Variants in SEC31B observed in about 807,000 individuals in gnomAD.
SEC31B encodes protein transport protein Sec31B.
Under a neutral mutation model 135.0 loss-of-function variants are expected in SEC31B, and 113 were observed. The observed-to-expected ratio is 0.84, with a 90% CI of 0.72 to 0.98. The LOEUF is 0.98. SEC31B is among the 50% of genes least tolerant of loss of function. The pLI, the probability that SEC31B is intolerant of heterozygous loss-of-function variation, is 0.00. For missense variants in SEC31B, 1,296 were observed against 1,421.1 expected (o/e 0.91, Z 1.42); for synonymous variants, 508 against 549.4 (o/e 0.92, Z 1.05).
At chr10:100,494,709 A>G (rs1223928085) in intron 19 of SEC31B, 2 of 152,474 alleles carry the variant, frequency 1.3e-5, no homozygotes, top group East Asian at 3.9e-4. Context: ...TTGTTCTGAA[A>G]CACTCCCTGG....
At chr10:100,508,943 C>CA in intron 5 of SEC31B, 64 bp downstream of exon 5, 1 of 1,355,188 alleles carries the variant, frequency 7.4e-7, no homozygotes, top group Non-Finnish European at 1.1e-6. Flanking sequence ...CTCCAGAACT[C>CA]AAGACTTTTA....
In SEC31B at chr10:100,494,005, A is replaced by AGAAAGGGAGGGAG. The variant is rs796390401; in HGVS notation, c.2472+1367_2472+1379dup. On this transcript the variant is annotated intron_variant, in intron 19 of 25. Coordinates refer to ENST00000370345, the MANE Select transcript of SEC31B (RefSeq NM_015490.4). ...GGGAAAAGGGGAGACAAGGGAGGGA[A>AGAAAGGGAGGGAG]GAAAGGGAGGGAGGAAAGGGAGGGA... Among the ~76,000 whole-genome samples, 401 of 150,148 alleles carry AGAAAGGGAGGGAG rather than the reference A, an allele frequency of 2.7e-3. 8 individuals carry two copies. The highest frequency in any genetic ancestry group is 9.5e-3 in the African/African-American group (382 of 40,122).
At chr10:100,507,404 G>A (rs1293663963) in intron 7 of SEC31B, 21 bp downstream of exon 7, 7 of 1,614,018 alleles carry the variant, frequency 4.3e-6, no homozygotes, top group Non-Finnish European at 5.9e-6. Context: ...CCAAGGATAT[G>A]GATGACGTCT....
Position 100,498,794 on chromosome 10 carries a change from T to C in SEC31B, c.1595A>G (p.His532Arg). The change falls in exon 14 of 26, where the codon CAC becomes CGC. Residue 532 changes from histidine (H) to arginine (R), a missense_variant. By Grantham distance (29) the His-to-Arg change is conservative (BLOSUM62 0). Transcript: ENST00000370345. ...QQAFCSQASK[H>R]TTKEASASSA... Reference sequence around the variant, plus strand: ...GGAAGCAGAGGCTTCCTTTGTGGTGTGTTTGGAGGCCTGTATGAGGAAGGA... The same window carrying C: ...GGAAGCAGAGGCTTCCTTTGTGGTGCGTTTGGAGGCCTGTATGAGGAAGGA... 1 of 1,613,308 alleles carries C rather than the reference T, an allele frequency of 6.2e-7. No homozygotes were observed. Among genetic ancestry groups the C allele is most frequent in the Non-Finnish European group, 8.5e-7 (1 of 1,179,410 alleles).
intron 2 of SEC31B, among the ~76,000 whole-genome samples, chr10:100,516,648 CAAAA>C (rs59172062): frequency 6.3e-5 from 3 of 47,522 alleles, no homozygotes; most frequent in Non-Finnish European, 1.2e-4. Flanking sequence ...GACTCTGTCT[CAAAA>C]AAAAAAAAAA....
At position 100,502,343 on chromosome 10, in the gene SEC31B, AG is replaced by A. The variant is rs1851538935; in HGVS notation, c.1320del (p.Leu441TrpfsTer7). 6.2e-7 allele frequency: 1 copy of A among 1,614,038 alleles called. No individual in the cohort carries two copies. Among genetic ancestry groups the A allele is most frequent in the Non-Finnish European group, 8.5e-7 (1 of 1,180,030 alleles). On this transcript the variant is annotated frameshift_variant, in exon 11 of 26. Transcript: ENST00000370345. LOFTEE classifies it high-confidence loss of function. ...TAATTCAGTAGATTTCCTGATCCCA[AG>A]GCCTCCTGCAGCTCAGCTGATCGCA... ...FLMRSAELQE[A>X]LGSGNLLNYC...
intron 19 of SEC31B, 52 bp downstream of exon 19, chr10:100,495,333 T>C (rs1851385245): frequency 1.3e-6 from 2 of 1,532,856 alleles, no homozygotes; most frequent in South Asian, 2.3e-5. Context: ...CCCAGAACCA[T>C]GCTTGGCACG....
At chr10:100,502,505 G>GTTA (rs759385871) in intron 10 of SEC31B, 21 bp from the exon 11 acceptor site, 1 of 1,563,312 alleles carries the variant, frequency 6.4e-7, no homozygotes, top group Non-Finnish European at 8.8e-7. Flanking sequence ...AAAGCAAGAA[G>GTTA]GGTAAAGGTT....
intron 1 of SEC31B, among the ~76,000 whole-genome samples, chr10:100,518,841 A>G (rs1851895040): frequency 6.6e-6 from 1 of 152,238 alleles, no homozygotes; most frequent in Non-Finnish European, 1.5e-5. Context: ...CCATTAAGCC[A>G]AGATTTCCAA....
intron 7 of SEC31B, among the ~76,000 whole-genome samples, chr10:100,506,791 G>T (rs1312896577): frequency 6.6e-6 from 1 of 152,130 alleles, no homozygotes; most frequent in Non-Finnish European, 1.5e-5. Context: ...AGGTAGTAAA[G>T]ACCTAACCAT....
chr10:100,507,849 C>G, intron 6 of SEC31B, 59 bp downstream of exon 6: 1 of 1,610,446 alleles, frequency 6.2e-7, no homozygotes, highest in Non-Finnish European at 8.5e-7. Context: ...GCAGCTCTAA[C>G]TGCTAGGCAG....
At chr10:100,501,261 A>G (rs554868770) in intron 11 of SEC31B, among the ~76,000 whole-genome samples, 2 of 151,900 alleles carry the variant, frequency 1.3e-5, no homozygotes, top group African/African-American at 4.8e-5. Flanking sequence ...AACAAAAACA[A>G]AAAAACCCAG....
chr10:100,496,416 C>G lies in SEC31B; in HGVS notation c.2152G>C (p.Val718Leu). The G allele has an allele frequency of 6.2e-7, 1 of 1,614,130 alleles. No homozygotes were observed. Among genetic ancestry groups the G allele is most frequent in the Non-Finnish European group, 8.5e-7 (1 of 1,180,010 alleles). ...PMALQDLMEK[V>L]MVLNRSLEQL... ...TCCAAGCTCCTGTTAAGAACCATCA[C>G]CTTCTCCATCAGGTCCTGTAAGGGC... is the stretch of plus-strand genomic sequence containing the variant. Residue 718 changes from valine to leucine, a missense_variant, in exon 18 of 26, where the codon GTG (valine) becomes CTG (leucine). Val to Leu is a conservative substitution (Grantham distance 32). Transcript: ENST00000370345.
In SEC31B at chr10:100,502,352, GCAGCT is replaced by G; in HGVS notation, c.1307_1311del (p.Glu436AlafsTer25). 1 of 1,614,156 alleles carries G rather than the reference GCAGCT, an allele frequency of 6.2e-7. No homozygotes were observed. The highest frequency in any genetic ancestry group is 8.5e-7 in the Non-Finnish European group (1 of 1,180,016). On this transcript the variant is annotated frameshift_variant, in exon 11 of 26. Coordinates refer to ENST00000370345, the MANE Select transcript of SEC31B (RefSeq NM_015490.4). LOFTEE classifies it high-confidence loss of function. ...AGATTTCCTGATCCCAAGGCCTCCT[GCAGCT>G]CAGCTGATCGCATCAGGAATTCAGA...
chr10:100,512,198 T>C (rs1052670630), intron 3 of SEC31B, among the ~76,000 whole-genome samples: 1 of 152,156 alleles, frequency 6.6e-6, no homozygotes, highest in Admixed American at 6.5e-5. Context: ...AGACAGATCC[T>C]CTACTTTCTC....
chr10:100,498,338 G>A (rs1851453359), intron 14 of SEC31B, 131 bp from the exon 15 acceptor site: 1 of 882,820 alleles, frequency 1.1e-6, no homozygotes, highest in Non-Finnish European at 1.7e-6. Context: ...AAATCCTCAA[G>A]TTTCACTCCT....
Position 100,490,686 on chromosome 10 carries a change from A to G in SEC31B, c.2650+20T>C, listed in dbSNP as rs760334909. The stretch of plus-strand genomic sequence containing the variant: ...AGACCTCTGTGCTCTGCCCAGATAG[A>G]TCTTCAGTGACTCACTCACCAGGCC... On this transcript the variant is annotated intron_variant, in intron 20 of 25. Coordinates refer to ENST00000370345, the MANE Select transcript of SEC31B (RefSeq NM_015490.4). 2.1e-5 allele frequency: 32 copies of G among 1,548,690 alleles called. No individual in the cohort carries two copies. The highest frequency in any genetic ancestry group is 3.8e-5 in the Admixed American group (2 of 52,138).
intron 19 of SEC31B, 36 bp downstream of exon 19, chr10:100,495,349 T>C (rs376133891): frequency 2.6e-5 from 41 of 1,589,926 alleles, no homozygotes; most frequent in Non-Finnish European, 3.3e-5. Flanking sequence ...GCACGTATTA[T>C]TGAATGAACA....
rs1249491036 is a variant in SEC31B, at chr10:100,516,081, T to C, written c.203+15A>G. 5.6e-6 allele frequency: 9 copies of C among 1,613,916 alleles called. No individual in the cohort carries two copies. The highest frequency in any genetic ancestry group is 3.3e-5 in the South Asian group (3 of 91,080). ...AGTATCTACCCTGTATACCCATCAA[T>C]AGATCAGACAATACCTGCTCAAGGC... On this transcript the variant is annotated intron_variant, in intron 3 of 25. Transcript: ENST00000370345.
Sources: gnomAD v4.1 joint callset for allele counts (sites outside exome capture counted in the v4.1 genomes callset) on GRCh38, gnomAD v4.1.1 for gene constraint, MANE v1.5 for transcripts, NCBI Gene and HGNC (gene_info 2026-07-23, HGNC 2026-07-21) for gene names.